The following ZFR2 variants were observed in gnomAD, a reference collection of about 807,000 sequenced individuals.
ZFR2 encodes the protein zinc finger RNA-binding protein 2.
Under a neutral mutation model 105.7 loss-of-function variants are expected in ZFR2, and 104 were observed. The observed-to-expected ratio is 0.98, with a 90% CI of 0.84 to 1.16. ZFR2 has a LOEUF of 1.16. Among genes scored for constraint, ZFR2 ranks in the 50% most tolerant of loss-of-function variants. The pLI is 0.00. For synonymous variants in ZFR2, 634 were observed against 597.7 expected, an observed-to-expected ratio of 1.06 and a Z score of -0.89; for missense variants, 1,425 against 1,355.5, an observed-to-expected ratio of 1.05 and a Z score of -0.80.
At chr19:3,861,159 A>G (rs533694897) in intron 1 of ZFR2, among the ~76,000 whole-genome samples, 1 of 152,152 alleles carries the variant, frequency 6.6e-6, no homozygotes, top group Non-Finnish European at 1.5e-5. Flanking sequence ...ACTCTCCGCC[A>G]ACCGCGACAA....
At chr19:3,816,432 G>A (rs1054200487) in intron 13 of ZFR2, among the ~76,000 whole-genome samples, 6 of 150,304 alleles carry the variant, frequency 4.0e-5, no homozygotes, top group African/African-American at 1.5e-4. Context: ...TTTTAGTAGA[G>A]ACGGTGTTTC....
At chr19:3,819,453 A>C (rs2037865152) in intron 11 of ZFR2, among the ~76,000 whole-genome samples, 1 of 152,168 alleles carries the variant, frequency 6.6e-6, no homozygotes, top group Admixed American at 6.5e-5. Flanking sequence ...GTCTGAGTGA[A>C]GGAATGGGGG....
intron 1 of ZFR2, among the ~76,000 whole-genome samples, chr19:3,855,055 C>T (rs1046021622): frequency 1.3e-5 from 2 of 152,088 alleles, no homozygotes; most frequent in African/African-American, 2.4e-5. Context: ...CCACTGTGCC[C>T]AGCTAATTTT....
intron 18 of ZFR2, 40 bp from the exon 19 acceptor site, chr19:3,806,165 C>G: frequency 1.4e-6 from 2 of 1,393,190 alleles, no homozygotes; most frequent in Middle Eastern, 1.9e-4. Context: ...CCCGCCCGCT[C>G]TGCTCCCCGA....
Position 3,855,607 on chromosome 19 carries a change from C to A in ZFR2, c.53+13358G>T, listed in dbSNP as rs532802288. 2.8e-5 allele frequency: 13 copies of A among 470,580 alleles called. No homozygotes were observed. The South Asian group carries it at 1.3e-3, about 47-fold the overall frequency. The allele number at this position is 470,580 out of a possible 1,614,324, so 29.2% of individuals were successfully genotyped here. A position where few individuals can be genotyped will look rare whatever the true frequency, so the allele number is the denominator to read the frequency against. On this transcript the variant is annotated intron_variant, in intron 1 of 18. Transcript: ENST00000262961. Reference sequence around the variant, plus strand: ...ACGGGGTCAGCAAAATAATTCAACGCGATCTGATGGTTCTCATGCCGCCGG... The same window carrying A: ...ACGGGGTCAGCAAAATAATTCAACGAGATCTGATGGTTCTCATGCCGCCGG...
chr19:3,857,633 T>C (rs2038322064), intron 1 of ZFR2, among the ~76,000 whole-genome samples: 1 of 148,660 alleles, frequency 6.7e-6, no homozygotes, highest in African/African-American at 2.5e-5. Flanking sequence ...GAGGCGGAGG[T>C]TGCTGTGAGC....
At position 3,823,167 on chromosome 19, in the gene ZFR2, C is replaced by T; in HGVS notation, c.1371+79G>A. The T allele has an allele frequency of 1.9e-6, 3 of 1,592,932 alleles. No individual in the cohort carries two copies. Among genetic ancestry groups the T allele is most frequent in the Non-Finnish European group, 2.6e-6 (3 of 1,166,802 alleles). On this transcript the variant is annotated intron_variant, in intron 8 of 18. Transcript: ENST00000262961. The surrounding 1 kb of genome is among the most constrained non-coding windows in gnomAD (Gnocchi z 5.4). ...GGTCTGTAAATCTCGCTGGGAGAAGCCGGGTGAGGTCTCGAAGCCTGATCC... is the reference window on the plus strand; with the variant it reads ...GGTCTGTAAATCTCGCTGGGAGAAGTCGGGTGAGGTCTCGAAGCCTGATCC...
chr19:3,830,480 C>T (rs1172616446), intron 5 of ZFR2, among the ~76,000 whole-genome samples: 4 of 152,010 alleles, frequency 2.6e-5, no homozygotes, highest in African/African-American at 9.7e-5. Context: ...CAAAGAAGGC[C>T]GGGGTCTCTC....
At position 3,831,388 on chromosome 19, in the gene ZFR2, C is replaced by A. The variant is rs993539252; in HGVS notation, c.767G>T (p.Ser256Ile). 6.4e-7 allele frequency: 1 copy of A among 1,557,244 alleles called. No individual in the cohort carries two copies. The change falls in exon 5 of 19, where the codon AGC becomes ATC. Residue 256 changes from serine to isoleucine, a missense_variant. Transcript: ENST00000262961. ...PRADSKPPLP[S>I]KLPRPKAGPR... Reference sequence around the variant, plus strand: ...CCCCGCCTTGGGTCTCGGCAGCTTGCTGGGAAGCGGTGGCTTCGAGTCGGC... The same window carrying A: ...CCCCGCCTTGGGTCTCGGCAGCTTGATGGGAAGCGGTGGCTTCGAGTCGGC...
At chr19:3,826,617 C>T (rs1448084879) in intron 6 of ZFR2, among the ~76,000 whole-genome samples, 4 of 151,312 alleles carry the variant, frequency 2.6e-5, no homozygotes, top group Non-Finnish European at 4.4e-5. Flanking sequence ...TTGTATTTTT[C>T]AGTAGAGACG....
In ZFR2 at chr19:3,813,993, C is replaced by G; in HGVS notation, c.2104-35G>C. 1 of 1,611,508 alleles carries G rather than the reference C, an allele frequency of 6.2e-7. No homozygotes were observed. Among genetic ancestry groups the G allele is most frequent in the Middle Eastern group, 1.7e-4 (1 of 6,040 alleles). On this transcript the variant is annotated intron_variant, in intron 13 of 18. Coordinates refer to ENST00000262961, the MANE Select transcript of ZFR2 (RefSeq NM_015174.2). The surrounding 1 kb of genome is among the most constrained non-coding windows in gnomAD (Gnocchi z 4.4). The stretch of plus-strand genomic sequence containing the variant: ...GTAAATACAACACAAGGCCACCTTA[C>G]TGCAGCCCAGATTCATGTGTAAATC...
chr19:3,837,676 T>A (rs563649380), intron 1 of ZFR2, among the ~76,000 whole-genome samples: 66 of 147,118 alleles, frequency 4.5e-4, no homozygotes, highest in African/African-American at 1.6e-3. Flanking sequence ...TGACACTCGA[T>A]GAACACTGTG....
intron 1 of ZFR2, chr19:3,855,723 C>T: frequency 2.9e-6 from 1 of 346,332 alleles, no homozygotes; most frequent in Non-Finnish European, 5.2e-6. Context: ...AGGGTGAAGA[C>T]ACAAAGTTGG....
intron 6 of ZFR2, 36 bp from the exon 7 acceptor site, chr19:3,825,443 C>T (rs377651302): frequency 2.7e-5 from 41 of 1,529,112 alleles, no homozygotes; most frequent in African/African-American, 2.0e-4. Flanking sequence ...GCGTGAGGGC[C>T]GCTCCCAGCC....
chr19:3,851,189 C>T (rs1007480649), intron 1 of ZFR2, among the ~76,000 whole-genome samples: 13 of 152,058 alleles, frequency 8.5e-5, no homozygotes, highest in African/African-American at 2.2e-4. Context: ...ATTAAGGACA[C>T]GAGACACACA....
In ZFR2 at chr19:3,823,169, G is replaced by A. The variant is rs904088624; in HGVS notation, c.1371+77C>T. 1.9e-5 allele frequency: 30 copies of A among 1,594,366 alleles called. No homozygotes were observed. Among genetic ancestry groups the A allele is most frequent in the East Asian group, 1.3e-4 (6 of 44,784 alleles). On this transcript the variant is annotated intron_variant, in intron 8 of 18. Coordinates refer to ENST00000262961, the MANE Select transcript of ZFR2 (RefSeq NM_015174.2). This position sits in a 1 kb window ranked among gnomAD's most constrained non-coding sequence, Gnocchi z 5.4. ...TCTGTAAATCTCGCTGGGAGAAGCCGGGTGAGGTCTCGAAGCCTGATCCAT... is the reference window on the plus strand; with the variant it reads ...TCTGTAAATCTCGCTGGGAGAAGCCAGGTGAGGTCTCGAAGCCTGATCCAT...
intron 1 of ZFR2, among the ~76,000 whole-genome samples, chr19:3,849,156 G>A (rs577452720): frequency 2.0e-5 from 3 of 152,370 alleles, no homozygotes; most frequent in South Asian, 2.1e-4. Flanking sequence ...AGGCCCAGGC[G>A]TGCTGAGCAG....
At chr19:3,837,934 T>G (rs1218909659) in intron 1 of ZFR2, among the ~76,000 whole-genome samples, 1 of 151,402 alleles carries the variant, frequency 6.6e-6, no homozygotes, top group Non-Finnish European at 1.5e-5. Context: ...TGAACATGAC[T>G]ATGACACTTG....
chr19:3,812,997 T>A (rs893460833), intron 14 of ZFR2, among the ~76,000 whole-genome samples: 9 of 152,138 alleles, frequency 5.9e-5, no homozygotes, highest in Non-Finnish European at 1.3e-4. Context: ...GGAGAATCGC[T>A]TGAACCCAGG....
Sources: allele counts gnomAD v4.1 joint callset (sites outside exome capture counted in the v4.1 genomes callset), GRCh38; gene constraint gnomAD v4.1.1; non-coding constraint Gnocchi (gnomAD v3.1); transcripts MANE v1.5; gene names NCBI Gene and HGNC (gene_info 2026-07-23, HGNC 2026-07-21).